The following SATB1 variants were observed in gnomAD, a reference collection of about 807,000 sequenced individuals.
SATB1 encodes DNA-binding protein SATB1.
Under a neutral mutation model 86.9 loss-of-function variants are expected in SATB1, and 11 were observed. The ratio of observed to expected loss-of-function variants is 0.13; its 90% CI spans 0.08 to 0.21. SATB1 has a LOEUF of 0.21. Ranked by LOEUF, SATB1 falls within the 10% of genes least tolerant of loss-of-function variation. SATB1 has a pLI of 1.00. For synonymous variants in SATB1, 357 were observed against 357.2 expected (o/e 1.00, Z 0.01); for missense variants, 551 against 937.6 (o/e 0.59, Z 5.39).
At chr3:18,385,367 A>G (rs1696284639) in intron 8 of SATB1, among the ~76,000 whole-genome samples, 1 of 152,188 alleles carries the variant, frequency 6.6e-6, no homozygotes, top group African/African-American at 2.4e-5. Flanking sequence ...TCAGGCCTGT[A>G]ATCCCAGCAC....
rs368665497 is a variant in SATB1 at position 18,346,350 on chromosome 3, C to T, written c.*2820G>A. ...CTGCTAAGGTCTTAACAGCACAAAA[C>T]GCTATGTCATGCCCAGCTTTTAAAA... On this transcript the variant is annotated 3_prime_UTR_variant, in exon 11 of 11. Transcript: ENST00000338745. The T allele has an allele frequency of 1.1e-4, 17 of 152,180 alleles. No homozygotes were observed. Among genetic ancestry groups the T allele is most frequent in the South Asian group, 6.2e-4 (3 of 4,828 alleles). The allele number at this position is 152,180 out of a possible 1,614,324, so 9.4% of individuals were successfully genotyped here. A position where few individuals can be genotyped will look rare whatever the true frequency, so the allele number is the denominator to read the frequency against.
chr3:18,384,660 ATTATT>A (rs1696237387), intron 8 of SATB1, among the ~76,000 whole-genome samples: 1 of 152,154 alleles, frequency 6.6e-6, no homozygotes, highest in South Asian at 2.1e-4. Flanking sequence ...ACCAAACCAA[ATTATT>A]TTATTTCATT....
At position 18,424,799 on chromosome 3, in the gene SATB1, G is replaced by A. The variant is rs1297884158; in HGVS notation, c.-1197C>T. The A allele has an allele frequency of 1.3e-5, 2 of 152,438 alleles. No homozygotes were observed. The highest frequency in any genetic ancestry group is 2.4e-5 in the African/African-American group (1 of 41,466). The allele number at this position is 152,438 out of a possible 1,614,324, so 9.4% of individuals were successfully genotyped here. ...TGATCAGGAGTTTCCCGAAATGAAA[G>A]AGGGGGGCGGGCAGCGTCCTCTAGA... On this transcript the variant is annotated 5_prime_UTR_variant, in exon 1 of 11. Coordinates refer to ENST00000338745, the MANE Select transcript of SATB1 (RefSeq NM_002971.6).
intron 5 of SATB1, chr3:18,410,982 G>A (rs66944057): frequency 0.22 from 86,626 of 391,496 alleles, 10,902 homozygotes; most frequent in East Asian, 0.46. Context: ...TCAGGAGCAC[G>A]AGGTAGTTTC....
Position 18,394,518 on chromosome 3 carries a change from T to G in SATB1, c.1150A>C (p.Lys384Gln). ...ACCGCCTGGGAGATTCCTGCTCGTT[T>G]CAGTTCATCGCGTACCCACTGGTAG... ...EIYQWVRDELKRAGISQAVFA... is the reference protein window; with the variant it reads ...EIYQWVRDELQRAGISQAVFA... The change falls in exon 7 of 11, where the codon AAA (lysine) becomes CAA (glutamine). Residue 384 changes from lysine to glutamine, a missense_variant. This residue lies in a region of SATB1 where 119 missense variants were observed against 171.1 expected (regional missense o/e 0.70). Coordinates refer to ENST00000338745, the MANE Select transcript of SATB1 (RefSeq NM_002971.6). The surrounding 1 kb of genome is among the most constrained non-coding windows in gnomAD (Gnocchi z 5.9). The G allele has an allele frequency of 6.2e-7, 1 of 1,614,202 alleles. No individual in the cohort carries two copies. Among genetic ancestry groups the G allele is most frequent in the South Asian group, 1.1e-5 (1 of 91,086 alleles).
chr3:18,377,922 A>C (rs1293743534), intron 9 of SATB1, among the ~76,000 whole-genome samples: 1 of 152,198 alleles, frequency 6.6e-6, no homozygotes, highest in Non-Finnish European at 1.5e-5. Flanking sequence ...ATCCTTCTCA[A>C]AATACCTATT....
intron 9 of SATB1, among the ~76,000 whole-genome samples, chr3:18,356,587 T>C (rs1164194004): frequency 6.6e-6 from 1 of 151,860 alleles, no homozygotes; most frequent in East Asian, 1.9e-4. Flanking sequence ...AACTCAATAT[T>C]CTAATGATGT....
At chr3:18,437,482 C>CT (rs1365259809) in intron 1 of SATB1, among the ~76,000 whole-genome samples, 2 of 152,016 alleles carry the variant, frequency 1.3e-5, no homozygotes, top group East Asian at 1.9e-4. Context: ...ATACATCATT[C>CT]TTTTTTAACA....
At position 18,348,409 on chromosome 3, in the gene SATB1, A is replaced by C. The variant is rs1185500485; in HGVS notation, c.*761T>G. The C allele has an allele frequency of 6.6e-6, 1 of 152,580 alleles. No homozygotes were observed. The highest frequency in any genetic ancestry group is 1.5e-5 in the Non-Finnish European group (1 of 68,024). 9.5% of individuals were successfully genotyped at this position (152,580 alleles called of 1,614,324 possible). A position where few individuals can be genotyped will look rare whatever the true frequency, so the allele number is the denominator to read the frequency against. The stretch of plus-strand genomic sequence containing the variant: ...ATCAAAATACATTTATAAATAGAAA[A>C]GAATCAGTATGGTAACAAGAGAAGC... On this transcript the variant is annotated 3_prime_UTR_variant, in exon 11 of 11. Coordinates refer to ENST00000338745, the MANE Select transcript of SATB1 (RefSeq NM_002971.6).
chr3:18,364,215 T>C (rs1365421329), intron 9 of SATB1, among the ~76,000 whole-genome samples: 2 of 152,194 alleles, frequency 1.3e-5, no homozygotes, highest in Admixed American at 6.5e-5. Context: ...GTAAAGCCCA[T>C]GGATGCCTTT....
intron 5 of SATB1, among the ~76,000 whole-genome samples, chr3:18,405,321 C>T (rs542464038): frequency 6.6e-6 from 1 of 152,008 alleles, no homozygotes; most frequent in East Asian, 1.9e-4. Context: ...GGTTAAATCG[C>T]TCATCCTCTC....
chr3:18,412,722 T>C (rs1032770810), intron 5 of SATB1, among the ~76,000 whole-genome samples: 1 of 151,966 alleles, frequency 6.6e-6, no homozygotes, highest in Non-Finnish European at 1.5e-5. Flanking sequence ...GGAAAAAGAG[T>C]AGTTTTGTCA....
At chr3:18,356,947 A>G (rs986577774) in intron 9 of SATB1, among the ~76,000 whole-genome samples, 5 of 151,816 alleles carry the variant, frequency 3.3e-5, no homozygotes, top group African/African-American at 1.2e-4. Context: ...ATTCTCTGAG[A>G]AAAAAAGTCA....
intron 9 of SATB1, among the ~76,000 whole-genome samples, chr3:18,364,942 C>T (rs1304282590): frequency 6.6e-6 from 1 of 151,772 alleles, no homozygotes; most frequent in Non-Finnish European, 1.5e-5. Context: ...CCTCAGTAGC[C>T]CCAGGTTTCC....
At chr3:18,423,415 A>G (rs1264056777) in intron 1 of SATB1, among the ~76,000 whole-genome samples, 1 of 152,202 alleles carries the variant, frequency 6.6e-6, no homozygotes, top group Non-Finnish European at 1.5e-5. Context: ...GATCCTTTTC[A>G]ATGAGTTTCT....
At chr3:18,415,954 C>CAA (rs1163606404) in intron 4 of SATB1, 53 bp downstream of exon 4, 1 of 1,486,442 alleles carries the variant, frequency 6.7e-7, no homozygotes, top group Non-Finnish European at 9.0e-7. Flanking sequence ...TGCTTCATTT[C>CAA]AAAAGACCAG....
intron 5 of SATB1, among the ~76,000 whole-genome samples, chr3:18,409,996 C>G (rs1326774221): frequency 6.6e-6 from 1 of 151,982 alleles, no homozygotes; most frequent in Non-Finnish European, 1.5e-5. Context: ...GCCTACTGGT[C>G]TTGAGAATAT....
chr3:18,440,987 A>T (rs1413991796), upstream of SATB1, among the ~76,000 whole-genome samples: 18 of 152,204 alleles, frequency 1.2e-4, no homozygotes, highest in Non-Finnish European at 1.5e-5. Context: ...TCATTTGTTA[A>T]TTAAAAGCAC....
At position 18,352,340 on chromosome 3, in the gene SATB1, T is replaced by TTGTTAAGAGAGGTTATCTGTGGC. The variant is rs1694407064; in HGVS notation, c.1576-168_1576-146dup. 3.0e-6 allele frequency: 2 copies of TTGTTAAGAGAGGTTATCTGTGGC among 665,842 alleles called. No homozygotes were observed. Among genetic ancestry groups the TTGTTAAGAGAGGTTATCTGTGGC allele is most frequent in the East Asian group, 5.5e-5 (2 of 36,318 alleles). 41.2% of individuals were successfully genotyped at this position (665,842 alleles called of 1,614,324 possible). On this transcript the variant is annotated intron_variant, in intron 9 of 10. Coordinates refer to ENST00000338745, the MANE Select transcript of SATB1 (RefSeq NM_002971.6). The surrounding 1 kb of genome is among the most constrained non-coding windows in gnomAD (Gnocchi z 4.1). ...TTCTGCTTTAAAAATTGTTTTTAACTTGTTAAGAGAGGTTATCTGTGGCTG... is the reference window on the plus strand; with the variant it reads ...TTCTGCTTTAAAAATTGTTTTTAACTTGTTAAGAGAGGTTATCTGTGGCTGTTAAGAGAGGTTATCTGTGGCTG...
Sources: allele counts gnomAD v4.1 joint callset (sites outside exome capture counted in the v4.1 genomes callset), GRCh38; gene constraint gnomAD v4.1.1; regional missense constraint gnomAD v4.1.1; non-coding constraint Gnocchi (gnomAD v3.1); transcripts MANE v1.5; gene names NCBI Gene and HGNC (gene_info 2026-07-23, HGNC 2026-07-21).